The following GLP2R variants were observed in gnomAD, a reference collection of about 807,000 sequenced individuals.
GLP2R encodes the protein glucagon-like peptide 2 receptor.
GLP2R carries 59 observed loss-of-function variants against 68.2 expected under a neutral mutation model. The ratio of observed to expected loss-of-function variants is 0.87; its 90% CI spans 0.70 to 1.07. The LOEUF (loss-of-function observed/expected upper bound fraction) is 1.07, where lower values mean the gene tolerates loss of function less well. Ranked by LOEUF, GLP2R falls within the 50% of genes least tolerant of loss-of-function variation. GLP2R has a pLI of 0.00. For missense variants in GLP2R, 548 were observed against 677.4 expected (o/e 0.81, Z 2.12); for synonymous variants, 270 against 265.4 (o/e 1.02, Z -0.17).
chr17:9,836,510 C>A, intron 3 of GLP2R, 35 bp downstream of exon 3: 2 of 1,302,084 alleles, frequency 1.5e-6, no homozygotes, highest in Non-Finnish European at 2.2e-6. Flanking sequence ...TTTCCCCAAC[C>A]AAGTGCTTTT....
chr17:9,839,983 CT>C (rs11387395), intron 3 of GLP2R, among the ~76,000 whole-genome samples: 3,021 of 139,312 alleles, frequency 0.022, 39 homozygotes, highest in Non-Finnish European at 0.03. Flanking sequence ...TCTGAAGCCT[CT>C]TTTTTTTTTT....
chr17:9,864,524 T>C (rs1319197303), intron 9 of GLP2R, among the ~76,000 whole-genome samples: 2 of 152,054 alleles, frequency 1.3e-5, no homozygotes, highest in African/African-American at 2.4e-5. Flanking sequence ...GTTTTGTTTT[T>C]TGTTTTTTGT....
intron 10 of GLP2R, among the ~76,000 whole-genome samples, chr17:9,874,517 G>A (rs960362185): frequency 2.0e-5 from 3 of 152,012 alleles, no homozygotes; most frequent in Non-Finnish European, 4.4e-5. Context: ...TAATAAAAGA[G>A]GTACCTTGGT....
At chr17:9,886,756 G>A (rs932093567) in intron 11 of GLP2R, among the ~76,000 whole-genome samples, 23 of 152,138 alleles carry the variant, frequency 1.5e-4, no homozygotes, top group Admixed American at 9.2e-4. Flanking sequence ...TGCTGAACAA[G>A]GCTTACATAA....
In GLP2R at chr17:9,886,088, A is replaced by G. The variant is rs1291599135; in HGVS notation, c.1285-1844A>G. ...TCCCACCAGGCAGAGGCAAGAGCACAGGTGGGCAGATGTTGGGGGAACTAC... is the reference window on the plus strand; with the variant it reads ...TCCCACCAGGCAGAGGCAAGAGCACGGGTGGGCAGATGTTGGGGGAACTAC... On this transcript the variant is annotated intron_variant, in intron 11 of 12. Coordinates refer to ENST00000262441, the MANE Select transcript of GLP2R (RefSeq NM_004246.3). 2.0e-5 allele frequency among the ~76,000 whole-genome samples: 3 copies of G among 152,374 alleles called. No individual in the cohort carries two copies. In the East Asian group the frequency reaches 5.8e-4, roughly 29 times the overall value.
At chr17:9,857,978 CT>C (rs1314405182) in intron 6 of GLP2R, among the ~76,000 whole-genome samples, 2 of 152,156 alleles carry the variant, frequency 1.3e-5, no homozygotes, top group Non-Finnish European at 2.9e-5. Context: ...CATGTACAGA[CT>C]TTTTTTTCCT....
intron 1 of GLP2R, among the ~76,000 whole-genome samples, chr17:9,829,067 T>C (rs990263940): frequency 2.0e-5 from 3 of 152,222 alleles, no homozygotes; most frequent in Admixed American, 6.5e-5. Flanking sequence ...GGAATATAAA[T>C]GACTGTGGTG....
chr17:9,835,946 G>A (rs2066725756), intron 2 of GLP2R, among the ~76,000 whole-genome samples: 1 of 150,660 alleles, frequency 6.6e-6, no homozygotes, highest in Admixed American at 6.7e-5. Flanking sequence ...GGCTGAGGCA[G>A]GAGAGTCGCT....
intron 4 of GLP2R, among the ~76,000 whole-genome samples, chr17:9,851,502 TAGAGGG>T (rs2066891116): frequency 6.6e-6 from 1 of 152,168 alleles, no homozygotes; most frequent in Non-Finnish European, 1.5e-5. Context: ...GTGCTGGTCT[TAGAGGG>T]AAAGACTTAG....
chr17:9,830,283 G>A (rs984453835), intron 1 of GLP2R, among the ~76,000 whole-genome samples: 2 of 152,166 alleles, frequency 1.3e-5, no homozygotes, highest in African/African-American at 2.4e-5. Context: ...ATCAGGTCCC[G>A]GAGAGGTCCC....
At chr17:9,868,152 T>A (rs2067057805) in intron 9 of GLP2R, among the ~76,000 whole-genome samples, 1 of 152,216 alleles carries the variant, frequency 6.6e-6, no homozygotes, top group African/African-American at 2.4e-5. Flanking sequence ...AGAAAGGGCT[T>A]CCTTCCTCCT....
chr17:9,880,336 C>A (rs374637385), intron 10 of GLP2R, 42 bp from the exon 11 acceptor site: 344 of 1,378,990 alleles, frequency 2.5e-4, no homozygotes, highest in Admixed American at 9.7e-4. Context: ...TTGCTTGTTC[C>A]CCATGTGGCC....
chr17:9,860,928 G>T (rs532551375), intron 7 of GLP2R, among the ~76,000 whole-genome samples: 38 of 152,222 alleles, frequency 2.5e-4, no homozygotes, highest in South Asian at 1.0e-3. Context: ...GTATCCAGTC[G>T]CTTTCCCCCT....
chr17:9,841,672 T>A (rs1157083701), intron 3 of GLP2R, among the ~76,000 whole-genome samples: 1 of 152,144 alleles, frequency 6.6e-6, no homozygotes, highest in Non-Finnish European at 1.5e-5. Context: ...AGTGTGTTGT[T>A]TGAGATGTCA....
At chr17:9,846,017 A>G (rs1412698269) in intron 4 of GLP2R, among the ~76,000 whole-genome samples, 1 of 152,154 alleles carries the variant, frequency 6.6e-6, no homozygotes, top group Non-Finnish European at 1.5e-5. Context: ...AATTGTTATA[A>G]TAAGAAAATC....
chr17:9,833,937 C>A, intron 2 of GLP2R, 43 bp downstream of exon 2: 2 of 1,258,154 alleles, frequency 1.6e-6, no homozygotes, highest in Non-Finnish European at 2.3e-6. Flanking sequence ...TAACAAATTG[C>A]CCCAAAGCTT....
At chr17:9,843,002 T>C (rs1282700018) in intron 4 of GLP2R, among the ~76,000 whole-genome samples, 2 of 152,216 alleles carry the variant, frequency 1.3e-5, no homozygotes, top group East Asian at 3.9e-4. Context: ...CCCTCTATGG[T>C]TGCCACATCC....
intron 3 of GLP2R, among the ~76,000 whole-genome samples, chr17:9,840,701 T>G (rs1368054479): frequency 6.6e-6 from 1 of 152,184 alleles, no homozygotes; most frequent in Non-Finnish European, 1.5e-5. Context: ...GTGTTGCACC[T>G]GTAAACTGGG....
chr17:9,839,004 AC>A (rs916543585), intron 3 of GLP2R, among the ~76,000 whole-genome samples: 4 of 152,228 alleles, frequency 2.6e-5, no homozygotes, highest in African/African-American at 9.6e-5. Flanking sequence ...AGAAGCTGTA[AC>A]TGACGACTGA....
Sources: gnomAD v4.1 joint callset for allele counts (sites outside exome capture counted in the v4.1 genomes callset) on GRCh38, gnomAD v4.1.1 for gene constraint, MANE v1.5 for transcripts, NCBI Gene and HGNC (gene_info 2026-07-23, HGNC 2026-07-21) for gene names.